GOLGA6L7: variants seen among roughly 807,000 people sequenced by gnomAD.
GOLGA6L7 encodes the protein golgin subfamily A member 6-like protein 7.
In GOLGA6L7, 29 loss-of-function variants were observed where a neutral mutation model predicts 68.9. The ratio of observed to expected loss-of-function variants is 0.42; its 90% CI spans 0.31 to 0.57. GOLGA6L7 has a LOEUF of 0.57. GOLGA6L7 is among the 20% of genes least tolerant of loss of function. The probability of loss-of-function intolerance (pLI) is 0.13; values close to 1 mark genes in which losing one functional copy is unlikely to be tolerated. For synonymous variants in GOLGA6L7, 133 were observed against 197.4 expected, an observed-to-expected ratio of 0.67 and a Z score of 2.73; for missense variants, 396 against 588.4, an observed-to-expected ratio of 0.67 and a Z score of 3.38.
intron 6 of GOLGA6L7, among the ~76,000 whole-genome samples, chr15:28,844,793 C>A (rs1203202341): frequency 6.6e-6 from 1 of 151,472 alleles, no homozygotes; most frequent in Non-Finnish European, 1.5e-5. Flanking sequence ...TCACAGCCAC[C>A]ACAGGAGACA....
rs2030293682 is a variant in GOLGA6L7, at chr15:28,843,434, T to C, written c.670A>G (p.Thr224Ala). The C allele has an allele frequency of 6.2e-6, 5 of 804,396 alleles. No homozygotes were observed. The highest frequency in any genetic ancestry group is 8.4e-6 in the Non-Finnish European group (5 of 595,566). 49.8% of individuals were successfully genotyped at this position (804,396 alleles called of 1,614,324 possible). Residue 224 changes from threonine (T) to alanine (A), a missense_variant, in exon 9 of 9, where the codon ACC becomes GCC. By Grantham distance (58) the Thr-to-Ala change is moderately conservative. Transcript: ENST00000567390. The stretch of plus-strand genomic sequence containing the variant: ...CACATCTTCTCCTGCAAAGTGTTGG[T>C]TTGAACCTCAAAAGGAAATAGAGTC... ...TDKIPLPQVQ[T>A]NTLQEKMWRQ...
chr15:28,847,598 G>T (rs1391944521), intron 1 of GOLGA6L7, among the ~76,000 whole-genome samples: 1 of 152,266 alleles, frequency 6.6e-6, no homozygotes, highest in Non-Finnish European at 1.5e-5. Flanking sequence ...GACAACCCAA[G>T]CTGCATTTCA....
chr15:28,845,781 A>G lies in GOLGA6L7; in HGVS notation c.292T>C (p.Cys98Arg), dbSNP rs769597081. 1 of 824,414 alleles carries G rather than the reference A, an allele frequency of 1.2e-6. No homozygotes were observed. The allele number at this position is 824,414 out of a possible 1,614,324, so 51.1% of individuals were successfully genotyped here. Residue 98 changes from cysteine to arginine, a missense_variant, in exon 5 of 9, where the codon TGT becomes CGT. Transcript: ENST00000567390. ...AQDHTIRILM[C>R]QKTELETALH... ...GCTGTCTCCAGTTCAGTTTTCTGAC[A>G]CATAAGGATTCGTATGGTATGATCC...
At position 28,842,857 on chromosome 15, in the gene GOLGA6L7, C is replaced by G; in HGVS notation, c.1247G>C (p.Arg416Thr). ...KQEEQMGEQMRKQEEQMGEQE... is the reference protein window; with the variant it reads ...KQEEQMGEQMTKQEEQMGEQE... ...CTCCCCCATCTGCTCCTCCTGCTTC[C>G]TCATCTGCTCCCCCATCTGCTCCTC... Residue 416 changes from arginine to threonine, a missense_variant, in exon 9 of 9, where the codon AGG becomes ACG. Arg to Thr is a moderately conservative substitution (Grantham distance 71). Coordinates refer to ENST00000567390, the MANE Select transcript of GOLGA6L7 (RefSeq NM_001365371.2). 8.3e-7 allele frequency: 1 copy of G among 1,205,188 alleles called. No individual in the cohort carries two copies. The highest frequency in any genetic ancestry group is 1.0e-6 in the Non-Finnish European group (1 of 979,206). The allele number at this position is 1,205,188 out of a possible 1,614,324, so 74.7% of individuals were successfully genotyped here. A position where few individuals can be genotyped will look rare whatever the true frequency, so the allele number is the denominator to read the frequency against.
rs539716525 is a variant in GOLGA6L7, at chr15:28,845,755, C to T, written c.318G>A (p.Ala106=). Residue 106 remains alanine (A), a synonymous_variant, in exon 5 of 9, where the codon GCG becomes GCA. Transcript: ENST00000567390. The stretch of plus-strand genomic sequence containing the variant: ...TGGCAGCATCCTGGCTGTCATGGAG[C>T]GCTGTCTCCAGTTCAGTTTTCTGAC... The part of the protein sequence containing the change: ...LMCQKTELET[A]LHDSQDAARK... 1.3e-4 allele frequency: 106 copies of T among 785,398 alleles called. 1 individual carries two copies. The highest frequency in any genetic ancestry group is 1.2e-3 in the South Asian group (90 of 72,836). The allele number at this position is 785,398 out of a possible 1,614,324, so 48.7% of individuals were successfully genotyped here.
At chr15:28,848,206 G>C (rs116554349) in intron 1 of GOLGA6L7, among the ~76,000 whole-genome samples, 4,508 of 152,118 alleles carry the variant, frequency 0.03, 215 homozygotes, top group African/African-American at 0.1. Flanking sequence ...ACGTGAGCCC[G>C]AAGGGCCCAG....
chr15:28,848,478 C>T (rs1395670642), intron 1 of GOLGA6L7, 21 bp downstream of exon 1: 15 of 700,476 alleles, frequency 2.1e-5, no homozygotes, highest in Non-Finnish European at 3.9e-5. Flanking sequence ...GGTTGGGGTG[C>T]TGCAATCCGA....
At position 28,845,932 on chromosome 15, in the gene GOLGA6L7, G is replaced by C; in HGVS notation, c.229C>G (p.Gln77Glu). The C allele has an allele frequency of 7.8e-7, 1 of 1,285,976 alleles. No individual in the cohort carries two copies. Among genetic ancestry groups the C allele is most frequent in the Non-Finnish European group, 1.1e-6 (1 of 893,284 alleles). The allele number at this position is 1,285,976 out of a possible 1,614,324, so 79.7% of individuals were successfully genotyped here. ...TGCCTCCTTAGGGCTTGCTGATGTT[G>C]GTGGCTTGCCTTATTTTCCTATAGA... ...QLKEENKASH[Q>E]HQQALRRQLE... The change falls in exon 4 of 9, where the codon CAA becomes GAA. Residue 77 changes from glutamine to glutamate, a missense_variant. This residue lies in a region of GOLGA6L7 where 125 missense variants were observed against 119.4 expected (regional missense o/e 1.05). Transcript: ENST00000567390.
At chr15:28,844,121 A>G (rs1429749959) in intron 7 of GOLGA6L7, 84 bp downstream of exon 7, 3 of 503,228 alleles carry the variant, frequency 6.0e-6, no homozygotes, top group Non-Finnish European at 1.0e-5. Context: ...ACCCCCTACC[A>G]TGCTCACCTG....
rs746205626 is a variant in GOLGA6L7 at position 28,843,119 on chromosome 15, T to C, written c.985A>G (p.Lys329Glu). 1,178 of 1,047,470 alleles carry C rather than the reference T, an allele frequency of 1.1e-3. 12 individuals carry two copies. The African/African-American group carries it at 0.018, about 16-fold the overall frequency. 64.9% of individuals were successfully genotyped at this position (1,047,470 alleles called of 1,614,324 possible). A position where few individuals can be genotyped will look rare whatever the true frequency, so the allele number is the denominator to read the frequency against. ...QMRKQEEQMGKQEEQMGEQEE... is the reference protein window; with the variant it reads ...QMRKQEEQMGEQEEQMGEQEE... ...TGCTCCCCCATCTGCTCCTCCTGCT[T>C]CCCCATCTGCTCCTCCTGCTTCCGC... is the stretch of plus-strand genomic sequence containing the variant. Residue 329 changes from lysine to glutamate, a missense_variant, in exon 9 of 9, where the codon AAG (lysine) becomes GAG (glutamate). By Grantham distance (56) the Lys-to-Glu change is moderately conservative. Around this residue, in one of 5 missense-constraint regions of GOLGA6L7, gnomAD observed 114 missense variants for 186.0 expected, o/e 0.61. Coordinates refer to ENST00000567390, the MANE Select transcript of GOLGA6L7 (RefSeq NM_001365371.2).
In GOLGA6L7 at chr15:28,842,665, TCCC is replaced by T. The variant is rs1226854626; in HGVS notation, c.1436_1438del (p.Gly479del). On this transcript the variant is annotated inframe_deletion, in exon 9 of 9. Transcript: ENST00000567390. Reference sequence around the variant, plus strand: ...CTGCTCCCCCATCTGCTCCTCCTGCTCCCCCATCTGCTCCTCCTGCTTCCTCAT... The same window carrying T: ...CTGCTCCCCCATCTGCTCCTCCTGCTCCATCTGCTCCTCCTGCTTCCTCAT... 6 of 1,305,990 alleles carry T rather than the reference TCCC, an allele frequency of 4.6e-6. No individual in the cohort carries two copies. In the African/African-American group the frequency reaches 6.1e-5, roughly 13 times the overall value. 80.9% of individuals were successfully genotyped at this position (1,305,990 alleles called of 1,614,324 possible).
Position 28,842,242 on chromosome 15 carries a change from C to T in GOLGA6L7, c.1862G>A (p.Ser621Asn), listed in dbSNP as rs1462054449. Residue 621 changes from serine (S) to asparagine (N), a missense_variant, in exon 9 of 9, where the codon AGT (serine) becomes AAT (asparagine). Physicochemically the swap from Ser to Asn is conservative, Grantham distance 46. Transcript: ENST00000567390. ...GGDKKKIKII[S>N]I ...CCTTGTTGACCGTTCTTTTTAGATA[C>T]TGATGATCTTGATCTTTTTCTTGTC... The T allele has an allele frequency of 1.5e-5, 18 of 1,228,942 alleles. No individual in the cohort carries two copies. The highest frequency in any genetic ancestry group is 1.7e-5 in the Non-Finnish European group (17 of 984,912). 76.1% of individuals were successfully genotyped at this position (1,228,942 alleles called of 1,614,324 possible).
chr15:28,841,915 G>A lies in GOLGA6L7; in HGVS notation c.*320C>T, dbSNP rs1393335042. ...GAGAAAACAAACAAAAAAAACAATAGAAACATACATAGATATTAGAGTCCT... is the reference window on the plus strand; with the variant it reads ...GAGAAAACAAACAAAAAAAACAATAAAAACATACATAGATATTAGAGTCCT... On this transcript the variant is annotated 3_prime_UTR_variant, in exon 9 of 9. Transcript: ENST00000567390. 26 of 175,072 alleles carry A rather than the reference G, an allele frequency of 1.5e-4. No individual in the cohort carries two copies. The highest frequency in any genetic ancestry group is 2.9e-4 in the Non-Finnish European group (24 of 84,000). 10.8% of individuals were successfully genotyped at this position (175,072 alleles called of 1,614,324 possible). A position where few individuals can be genotyped will look rare whatever the true frequency, so the allele number is the denominator to read the frequency against.
At chr15:28,845,233 A>T (rs1424010177) in intron 6 of GOLGA6L7, 4 of 531,548 alleles carry the variant, frequency 7.5e-6, no homozygotes, top group Non-Finnish European at 1.4e-5. Context: ...CCTTCATGGT[A>T]CAAGTACCCT....
At chr15:28,848,192 G>A (rs1233267610) in intron 1 of GOLGA6L7, among the ~76,000 whole-genome samples, 1 of 152,154 alleles carries the variant, frequency 6.6e-6, no homozygotes, top group African/African-American at 2.4e-5. Flanking sequence ...CCGGTTCCTT[G>A]GGAACGTGAG....
Position 28,845,629 on chromosome 15 carries a change from G to A in GOLGA6L7, c.362C>T (p.Ser121Phe). Residue 121 changes from serine (S) to phenylalanine (F), a missense_variant, in exon 6 of 9, where the codon TCC becomes TTC. Physicochemically the swap from Ser to Phe is radical, Grantham distance 155. Around this residue, in one of 5 missense-constraint regions of GOLGA6L7, gnomAD observed 125 missense variants for 119.4 expected, o/e 1.05. Transcript: ENST00000567390. ...ATGCAGGCGGGCTGCCAGATCCTTG[G>A]AATCTTCTGGAATGAGAGAGGTTGA... ...QDAARKFEED[S>F]KDLAARLHHS... 1.3e-6 allele frequency: 1 copy of A among 744,210 alleles called. No individual in the cohort carries two copies. The highest frequency in any genetic ancestry group is 1.4e-5 in the South Asian group (1 of 69,226). The allele number at this position is 744,210 out of a possible 1,614,324, so 46.1% of individuals were successfully genotyped here. A position where few individuals can be genotyped will look rare whatever the true frequency, so the allele number is the denominator to read the frequency against.
intron 6 of GOLGA6L7, 82 bp from the exon 7 acceptor site, chr15:28,844,345 T>A: frequency 2.4e-6 from 1 of 421,496 alleles, no homozygotes; most frequent in Non-Finnish European, 4.2e-6. Flanking sequence ...ACACTGATAC[T>A]CCACAGTAAC....
At position 28,843,777 on chromosome 15, in the gene GOLGA6L7, TC is replaced by T. The variant is rs1248028370; in HGVS notation, c.619del (p.Glu207SerfsTer2). ...GTCCGTCTCCAGTTTCCTTTTTAGCTCCTTGATGTGGAGCTGGATCTCAGAC... is the reference window on the plus strand; with the variant it reads ...GTCCGTCTCCAGTTTCCTTTTTAGCTCTTGATGTGGAGCTGGATCTCAGAC... ...EKSEIQLHIK[E>X]LKRKLETDKI... On this transcript the variant is annotated frameshift_variant, in exon 8 of 9. Transcript: ENST00000567390. LOFTEE classifies it high-confidence loss of function. 3 of 677,568 alleles carry T rather than the reference TC, an allele frequency of 4.4e-6. No individual in the cohort carries two copies. The African/African-American group carries it at 5.4e-5, about 12-fold the overall frequency. 42.0% of individuals were successfully genotyped at this position (677,568 alleles called of 1,614,324 possible). A position where few individuals can be genotyped will look rare whatever the true frequency, so the allele number is the denominator to read the frequency against.
In GOLGA6L7 at chr15:28,846,127, C is replaced by T. The variant is rs1413543805; in HGVS notation, c.210+93G>A. ...TGGGAGGTGAGCCTTCCTCCCCAAG[C>T]TGGGAGTAGGCGAGACGAGACTGGG... On this transcript the variant is annotated intron_variant, in intron 3 of 8. Coordinates refer to ENST00000567390, the MANE Select transcript of GOLGA6L7 (RefSeq NM_001365371.2). The T allele has an allele frequency of 8.4e-5, 61 of 723,758 alleles. No homozygotes were observed. In the Admixed American group the frequency reaches 1.2e-3, roughly 14 times the overall value. 44.8% of individuals were successfully genotyped at this position (723,758 alleles called of 1,614,324 possible). A position where few individuals can be genotyped will look rare whatever the true frequency, so the allele number is the denominator to read the frequency against.
Sources: allele counts gnomAD v4.1 joint callset (sites outside exome capture counted in the v4.1 genomes callset), GRCh38; gene constraint gnomAD v4.1.1; regional missense constraint gnomAD v4.1.1; transcripts MANE v1.5; gene names NCBI Gene and HGNC (gene_info 2026-07-23, HGNC 2026-07-21).